The following ZFHX3 variants were observed in gnomAD, a reference collection of about 807,000 sequenced individuals.
ZFHX3 encodes zinc finger homeobox protein 3.
Under a neutral mutation model 279.1 loss-of-function variants are expected in ZFHX3, and 42 were observed. That is an observed-to-expected ratio of 0.15 (90% CI 0.12 to 0.19). ZFHX3 has a LOEUF of 0.19. Among genes scored for constraint, ZFHX3 ranks in the 10% least tolerant of loss-of-function variants. The probability of loss-of-function intolerance (pLI) is 1.00; values close to 1 mark genes in which losing one functional copy is unlikely to be tolerated. For synonymous variants in ZFHX3, 2,293 were observed against 1,957.8 expected (o/e 1.17, Z -4.52); for missense variants, 4,981 against 4,754.0 (o/e 1.05, Z -1.40).
At chr16:73,606,534 T>G in intron 2 of ZFHX3, among the ~76,000 whole-genome samples, 1 of 151,566 alleles carries the variant, frequency 6.6e-6, no homozygotes, top group Non-Finnish European at 1.5e-5. Context: ...AGGGCCTCAG[T>G]GTATGGAACC....
chr16:73,206,064 T>C (rs531725542), intron 5 of ZFHX3, among the ~76,000 whole-genome samples: 170 of 152,344 alleles, frequency 1.1e-3, no homozygotes, highest in African/African-American at 3.6e-3. Context: ...GCCGTGCTTA[T>C]GTAAATTCTT....
At chr16:73,556,383 CT>C (rs2020283064) in intron 2 of ZFHX3, among the ~76,000 whole-genome samples, 1 of 152,188 alleles carries the variant, frequency 6.6e-6, no homozygotes, top group Admixed American at 6.5e-5. Flanking sequence ...TTCTTCCCTT[CT>C]GACAATGGTC....
chr16:73,862,794 T>C (rs867883273), intron 1 of ZFHX3, among the ~76,000 whole-genome samples: 1 of 151,972 alleles, frequency 6.6e-6, no homozygotes, highest in South Asian at 2.1e-4. Context: ...AATCAATCAA[T>C]GTAAAGAAAG....
intron 1 of ZFHX3, among the ~76,000 whole-genome samples, chr16:72,987,576 G>A (rs1263704062): frequency 1.3e-5 from 2 of 152,232 alleles, no homozygotes; most frequent in Non-Finnish European, 2.9e-5. Flanking sequence ...CTTCAATGGT[G>A]TGGACCAGTA....
intron 1 of ZFHX3, among the ~76,000 whole-genome samples, chr16:73,728,486 C>T (rs2053540860): frequency 6.6e-6 from 1 of 152,192 alleles, no homozygotes; most frequent in Non-Finnish European, 1.5e-5. Flanking sequence ...TTCTATTGGA[C>T]AGTGCTGTTT....
chr16:73,367,523 A>G (rs977373578), intron 3 of ZFHX3, among the ~76,000 whole-genome samples: 2 of 152,142 alleles, frequency 1.3e-5, no homozygotes, highest in African/African-American at 4.8e-5. Context: ...GATCCAGCTT[A>G]TAGTCCTTCA....
At chr16:73,597,610 G>A (rs1445933046) in intron 2 of ZFHX3, among the ~76,000 whole-genome samples, 5 of 152,142 alleles carry the variant, frequency 3.3e-5, no homozygotes, top group South Asian at 2.1e-4. Context: ...AGAGCCTCAC[G>A]GGAAGATGGA....
chr16:73,551,917 T>C (rs927551548), intron 2 of ZFHX3, among the ~76,000 whole-genome samples: 1 of 152,202 alleles, frequency 6.6e-6, no homozygotes, highest in Non-Finnish European at 1.5e-5. Flanking sequence ...AATGCATACA[T>C]ATAAACAAGT....
intron 3 of ZFHX3, among the ~76,000 whole-genome samples, chr16:73,433,407 T>C (rs1241516552): frequency 2.0e-5 from 3 of 152,122 alleles, no homozygotes; most frequent in Admixed American, 6.5e-5. Flanking sequence ...AGGTAGACAA[T>C]AGATACCGCA....
chr16:73,482,238 C>T (rs746185969), intron 2 of ZFHX3, among the ~76,000 whole-genome samples: 8 of 152,134 alleles, frequency 5.3e-5, no homozygotes, highest in African/African-American at 7.2e-5. Flanking sequence ...CATCCTTTGG[C>T]ACCCCAGTCC....
At chr16:72,863,889 G>C (rs2037947505) in intron 4 of ZFHX3, among the ~76,000 whole-genome samples, 1 of 152,078 alleles carries the variant, frequency 6.6e-6, no homozygotes, top group South Asian at 2.1e-4. Context: ...GGCCGAGGTG[G>C]GTGGATCATG....
intron 2 of ZFHX3, among the ~76,000 whole-genome samples, chr16:73,528,299 T>C (rs2019729832): frequency 6.6e-6 from 1 of 152,248 alleles, no homozygotes; most frequent in Admixed American, 6.5e-5. Flanking sequence ...TTTACATCTC[T>C]GAGTTATCTG....
chr16:73,293,986 C>CAAAAAAAAAAAA lies in ZFHX3; in HGVS notation c.-1194+24242_-1194+24253dup, dbSNP rs56783722. On this transcript the variant is annotated intron_variant, in intron 4 of 17. Transcript: ENST00000641206. ...TCCTTGGCTTTCTAAGTCAATATGC[C>CAAAAAAAAAAAA]AAAAAAAAAAAAAAAAAAAAAAAAA... 4 of 41,734 alleles carry CAAAAAAAAAAAA rather than the reference C, an allele frequency of 9.6e-5. 1 individual carries two copies. Among genetic ancestry groups the CAAAAAAAAAAAA allele is most frequent in the Non-Finnish European group, 9.0e-5 (2 of 22,172 alleles). The allele number at this position is 41,734 out of a possible 1,614,324, so 2.6% of individuals were successfully genotyped here.
chr16:72,788,338 G>A lies in ZFHX3; in HGVS notation c.9938C>T (p.Pro3313Leu), dbSNP rs1341364777. The A allele has an allele frequency of 6.2e-7, 1 of 1,614,182 alleles. No individual in the cohort carries two copies. The highest frequency in any genetic ancestry group is 8.5e-7 in the Non-Finnish European group (1 of 1,180,022). Residue 3313 changes from proline (P) to leucine (L), a missense_variant, in exon 10 of 10, where the codon CCA becomes CTA. Transcript: ENST00000268489. ...GGGAGCATAATAAGGAGAAAAGCCT[G>A]GTACAAAGTAAGGAAGGAACTGGCT... ...LTSQFLPYFV[P>L]GFSPYYAPQI...
At chr16:73,430,536 G>T (rs2017891940) in intron 3 of ZFHX3, among the ~76,000 whole-genome samples, 1 of 152,160 alleles carries the variant, frequency 6.6e-6, no homozygotes, top group Admixed American at 6.5e-5. Context: ...TCTGCGGGCA[G>T]AAGAGAGGGT....
At chr16:73,790,674 G>T (rs555647291) in intron 1 of ZFHX3, among the ~76,000 whole-genome samples, 3 of 152,188 alleles carry the variant, frequency 2.0e-5, no homozygotes, top group Non-Finnish European at 4.4e-5. Flanking sequence ...GCCTTATTCT[G>T]GTGATGGTTG....
chr16:72,875,775 T>G (rs1189412442), intron 4 of ZFHX3, among the ~76,000 whole-genome samples: 3 of 152,214 alleles, frequency 2.0e-5, no homozygotes, highest in Non-Finnish European at 4.4e-5. Context: ...ATTTCAAGCC[T>G]TTGTAAGAAC....
Position 73,197,583 on chromosome 16 carries a change from G to C in ZFHX3, c.-1103-53752C>G, listed in dbSNP as rs76404247. Among the ~76,000 whole-genome samples, 1,076 of 152,256 alleles carry C rather than the reference G, an allele frequency of 7.1e-3. 19 individuals are homozygous for C. The highest frequency in any genetic ancestry group is 0.025 in the African/African-American group (1,024 of 41,552). The stretch of plus-strand genomic sequence containing the variant: ...TAAACCACTTCCCCATGACTTATCT[G>C]GATATTTCAGAGAAAAGTATTTTCT... On this transcript the variant is annotated intron_variant, in intron 5 of 17. Coordinates refer to the ZFHX3 transcript ENST00000641206.
intron 1 of ZFHX3, among the ~76,000 whole-genome samples, chr16:73,851,659 C>G (rs572990190): frequency 6.6e-6 from 1 of 152,116 alleles, no homozygotes; most frequent in Non-Finnish European, 1.5e-5. Flanking sequence ...TTAGAGGGGA[C>G]GACGAAGCTA....
Sources: gnomAD v4.1 joint callset for allele counts (sites outside exome capture counted in the v4.1 genomes callset) on GRCh38, gnomAD v4.1.1 for gene constraint, MANE v1.5 for transcripts, NCBI Gene and HGNC (gene_info 2026-07-23, HGNC 2026-07-21) for gene names.